The following KDM4D variants were observed in gnomAD, a reference collection of about 807,000 sequenced individuals.
KDM4D encodes lysine-specific demethylase 4D.
For synonymous variants in KDM4D, 254 were observed against 249.1 expected (o/e 1.02, Z -0.19); for missense variants, 427 against 674.8 (o/e 0.63, Z 4.07).
intron 2 of KDM4D, among the ~76,000 whole-genome samples, chr11:94,981,311 T>C (rs1555097534): frequency 1.3e-5 from 2 of 152,072 alleles, no homozygotes; most frequent in African/African-American, 4.8e-5. Context: ...ATAAGCGAGA[T>C]TGACCTATTT....
At position 94,998,179 on chromosome 11, in the gene KDM4D, A is replaced by G. The variant is rs1555099485; in HGVS notation, c.807A>G (p.Gly269=). 2.5e-6 allele frequency: 4 copies of G among 1,614,204 alleles called. No individual in the cohort carries two copies. The highest frequency in any genetic ancestry group is 1.1e-5 in the South Asian group (1 of 91,086). ...IPFNRITQEA[G]EFMVTFPYGY... is the part of the protein sequence containing the mutation. ...TCAATCGCATAACTCAGGAGGCTGG[A>G]GAGTTCATGGTGACCTTTCCCTATG... Residue 269 remains glycine (G), a synonymous_variant, in exon 3 of 3, where the codon GGA becomes GGG. Coordinates refer to ENST00000335080, the MANE Select transcript of KDM4D (RefSeq NM_018039.3). The surrounding 1 kb of genome is among the most constrained non-coding windows in gnomAD (Gnocchi z 6.7).
At chr11:94,979,370 C>T (rs1857825049) in intron 2 of KDM4D, among the ~76,000 whole-genome samples, 1 of 152,056 alleles carries the variant, frequency 6.6e-6, no homozygotes, top group Non-Finnish European at 1.5e-5. Context: ...GCTAGGATTA[C>T]AGGTGCGTGC....
chr11:94,989,755 T>TTTTC (rs1857918814), intron 2 of KDM4D, among the ~76,000 whole-genome samples: 1 of 146,660 alleles, frequency 6.8e-6, no homozygotes, highest in African/African-American at 2.5e-5. Flanking sequence ...TCTCTTTCTT[T>TTTTC]TTTTTTTTTT....
At chr11:94,988,938 A>G (rs1857911157) in intron 2 of KDM4D, among the ~76,000 whole-genome samples, 1 of 152,184 alleles carries the variant, frequency 6.6e-6, no homozygotes, top group South Asian at 2.1e-4. Context: ...ACGTCATGCA[A>G]CAACCTGAAG....
At chr11:94,978,442 T>G (rs1317779867) in intron 2 of KDM4D, among the ~76,000 whole-genome samples, 1 of 152,104 alleles carries the variant, frequency 6.6e-6, no homozygotes, top group Non-Finnish European at 1.5e-5. Context: ...TTTTGACAAG[T>G]GAGAATATAA....
chr11:94,999,190 T>A lies in KDM4D; in HGVS notation c.*246T>A. The A allele has an allele frequency of 5.6e-6, 2 of 354,342 alleles. No individual in the cohort carries two copies. The highest frequency in any genetic ancestry group is 1.1e-5 in the Non-Finnish European group (2 of 187,404). 21.9% of individuals were successfully genotyped at this position (354,342 alleles called of 1,614,324 possible). On this transcript the variant is annotated 3_prime_UTR_variant, in exon 3 of 3. Transcript: ENST00000335080. ...CTAAAATCTATTTCTGCAGCTGAGG[T>A]TTTATCCACTGGACACATTTGTGTG... is the stretch of plus-strand genomic sequence containing the variant.
intron 2 of KDM4D, among the ~76,000 whole-genome samples, chr11:94,977,518 C>G (rs1431427345): frequency 6.6e-6 from 1 of 152,126 alleles, no homozygotes; most frequent in Non-Finnish European, 1.5e-5. Flanking sequence ...GCTATTCTTT[C>G]CTGTCTTACT....
chr11:94,979,641 C>T (rs188953438), intron 2 of KDM4D, among the ~76,000 whole-genome samples: 1 of 152,042 alleles, frequency 6.6e-6, no homozygotes, highest in African/African-American at 2.4e-5. Context: ...TGCTTTATTC[C>T]TCCCACTTAA....
chr11:94,995,942 A>C (rs1416454502), intron 2 of KDM4D, among the ~76,000 whole-genome samples: 1 of 152,082 alleles, frequency 6.6e-6, no homozygotes, highest in Non-Finnish European at 1.5e-5. Flanking sequence ...CTCTATGGGG[A>C]AAATTCCTGT....
rs1445956318 is a variant in KDM4D, at chr11:94,973,739, G to C, written c.-774G>C. 6.6e-6 allele frequency: 1 copy of C among 152,356 alleles called. No individual in the cohort carries two copies. The highest frequency in any genetic ancestry group is 1.5e-5 in the Non-Finnish European group (1 of 68,134). 9.4% of individuals were successfully genotyped at this position (152,356 alleles called of 1,614,324 possible). On this transcript the variant is annotated 5_prime_UTR_variant, in exon 1 of 3. Transcript: ENST00000335080. ...CGTTTGAAATCAGTGCCTTAGAGTAGACCCTAAACCTCATTTTATACCTTC... is the reference window on the plus strand; with the variant it reads ...CGTTTGAAATCAGTGCCTTAGAGTACACCCTAAACCTCATTTTATACCTTC...
chr11:94,990,750 C>A (rs192677952), intron 2 of KDM4D, among the ~76,000 whole-genome samples: 178 of 152,276 alleles, frequency 1.2e-3, no homozygotes, highest in African/African-American at 3.9e-3. Flanking sequence ...AGCCAAGAAG[C>A]AACACAATTG....
chr11:94,993,080 A>AG (rs1857948492), intron 2 of KDM4D, among the ~76,000 whole-genome samples: 2 of 152,108 alleles, frequency 1.3e-5, no homozygotes, highest in African/African-American at 4.8e-5. Flanking sequence ...GGGACTGTTA[A>AG]ACTTACTCAG....
At chr11:94,985,935 T>A (rs1433139396) in intron 2 of KDM4D, among the ~76,000 whole-genome samples, 1 of 152,140 alleles carries the variant, frequency 6.6e-6, no homozygotes, top group East Asian at 1.9e-4. Flanking sequence ...GAATGTGAGC[T>A]AAAACTATAA....
Position 94,997,294 on chromosome 11 carries a change from T to G in KDM4D, c.-79T>G, listed in dbSNP as rs1430916492. On this transcript the variant is annotated 5_prime_UTR_variant, in exon 3 of 3. Coordinates refer to ENST00000335080, the MANE Select transcript of KDM4D (RefSeq NM_018039.3). ...TACCTCATAGATAACACCAGTCAAA[T>G]TTTTTTTTAAAGTAGCATTTTCCTA... 8.1e-6 allele frequency: 9 copies of G among 1,110,582 alleles called. No homozygotes were observed. Among genetic ancestry groups the G allele is most frequent in the Middle Eastern group, 2.5e-4 (1 of 4,074 alleles). The allele number at this position is 1,110,582 out of a possible 1,614,324, so 68.8% of individuals were successfully genotyped here.
intron 2 of KDM4D, among the ~76,000 whole-genome samples, chr11:94,982,191 C>T (rs1402769406): frequency 4.0e-5 from 6 of 151,558 alleles, no homozygotes; most frequent in Admixed American, 3.3e-4. Flanking sequence ...TGTTCTCAAC[C>T]GTTTGACATT....
chr11:94,974,772 C>T (rs1385010458), intron 1 of KDM4D, among the ~76,000 whole-genome samples: 1 of 152,156 alleles, frequency 6.6e-6, no homozygotes, highest in Non-Finnish European at 1.5e-5. Context: ...AAAACTCACC[C>T]GCAATTTTAT....
At chr11:94,979,073 A>G (rs1857822231) in intron 2 of KDM4D, among the ~76,000 whole-genome samples, 2 of 152,220 alleles carry the variant, frequency 1.3e-5, no homozygotes, top group Admixed American at 1.3e-4. Flanking sequence ...TTATATATGT[A>G]TGCTTATTGT....
chr11:94,977,911 A>T (rs1857811065), intron 2 of KDM4D, among the ~76,000 whole-genome samples: 1 of 152,174 alleles, frequency 6.6e-6, no homozygotes, highest in Non-Finnish European at 1.5e-5. Flanking sequence ...TGAAAGAATG[A>T]ATTAGTTTTA....
In KDM4D at chr11:94,998,317, A is replaced by G. The variant is rs781961481; in HGVS notation, c.945A>G (p.Ala315=). The G allele has an allele frequency of 4.3e-6, 7 of 1,614,132 alleles. No individual in the cohort carries two copies. The highest frequency in any genetic ancestry group is 1.1e-5 in the South Asian group (1 of 91,086). ...CCTCCCAGTGTAGCTGTGGGGAGGC[A>G]AGGGTGACCTTTTCCATGGATGCCT... ...KMASQCSCGE[A]RVTFSMDAFV... is the part of the protein sequence containing the mutation. Residue 315 remains alanine, a synonymous_variant, in exon 3 of 3, where the codon GCA becomes GCG. Transcript: ENST00000335080. The surrounding 1 kb of genome is among the most constrained non-coding windows in gnomAD (Gnocchi z 6.7).
Sources: allele counts gnomAD v4.1 joint callset (sites outside exome capture counted in the v4.1 genomes callset), GRCh38; gene constraint gnomAD v4.1.1; non-coding constraint Gnocchi (gnomAD v3.1); transcripts MANE v1.5; gene names NCBI Gene and HGNC (gene_info 2026-07-23, HGNC 2026-07-21).